OTOGL: variants seen among roughly 807,000 people sequenced by gnomAD.
OTOGL encodes otogelin-like protein.
In OTOGL, 285 loss-of-function variants were observed where a neutral mutation model predicts 318.5. The ratio of observed to expected loss-of-function variants is 0.89; its 90% CI spans 0.81 to 0.99. OTOGL has a LOEUF of 0.99. OTOGL is among the 50% of genes least tolerant of loss of function. OTOGL has a pLI of 0.00. For synonymous variants in OTOGL, 987 were observed against 936.5 expected (o/e 1.05, Z -0.99); for missense variants, 2,899 against 2,845.6 (o/e 1.02, Z -0.43).
chr12:80,204,018 A>G (rs1047208430), intron 1 of OTOGL, among the ~76,000 whole-genome samples: 4 of 152,186 alleles, frequency 2.6e-5, no homozygotes, highest in African/African-American at 9.6e-5. Flanking sequence ...CAAGGGAACT[A>G]GTATATTTTC....
chr12:80,265,269 G>A, intron 20 of OTOGL, 59 bp downstream of exon 20: 1 of 1,445,332 alleles, frequency 6.9e-7, no homozygotes, highest in Non-Finnish European at 9.5e-7. Flanking sequence ...CTCTATGTTT[G>A]TAATGACTGC....
At chr12:80,354,189 T>A (rs1889733866) in intron 46 of OTOGL, among the ~76,000 whole-genome samples, 1 of 152,198 alleles carries the variant, frequency 6.6e-6, no homozygotes, top group Non-Finnish European at 1.5e-5. Flanking sequence ...AGAAATGGAA[T>A]CTTTCCCTAA....
intron 1 of OTOGL, among the ~76,000 whole-genome samples, chr12:80,136,780 G>GT (rs1169558867): frequency 6.6e-6 from 1 of 151,720 alleles, no homozygotes; most frequent in Non-Finnish European, 1.5e-5. Context: ...TTCATTCTCT[G>GT]TTTTTTTCTC....
At chr12:80,166,265 T>A (rs1179305551) in intron 1 of OTOGL, among the ~76,000 whole-genome samples, 1 of 151,964 alleles carries the variant, frequency 6.6e-6, no homozygotes, top group East Asian at 1.9e-4. Flanking sequence ...TTTCTACATA[T>A]TTTATTTTAA....
chr12:80,223,646 T>C (rs111399901), intron 7 of OTOGL, among the ~76,000 whole-genome samples: 3,374 of 152,124 alleles, frequency 0.022, 131 homozygotes, highest in African/African-American at 0.076. Flanking sequence ...AGTGGTATTG[T>C]ATTGTGGTTT....
chr12:80,337,913 G>C (rs1176239719), intron 42 of OTOGL, among the ~76,000 whole-genome samples: 12 of 152,062 alleles, frequency 7.9e-5, no homozygotes, highest in African/African-American at 2.9e-4. Context: ...CGATGAGGTT[G>C]ATATACTTAC....
chr12:80,153,268 A>G (rs1232016001), intron 1 of OTOGL, among the ~76,000 whole-genome samples: 2 of 152,096 alleles, frequency 1.3e-5, no homozygotes, highest in Non-Finnish European at 2.9e-5. Context: ...TCTTTTCATT[A>G]TGTCCTCAGA....
At chr12:80,130,817 A>G (rs1222355951) in intron 1 of OTOGL, among the ~76,000 whole-genome samples, 1 of 152,172 alleles carries the variant, frequency 6.6e-6, no homozygotes, top group African/African-American at 2.4e-5. Flanking sequence ...AACCATTCCC[A>G]CATATCTGCC....
intron 4 of OTOGL, among the ~76,000 whole-genome samples, chr12:80,215,156 G>A (rs112738130): frequency 3.4e-5 from 5 of 145,642 alleles, no homozygotes; most frequent in African/African-American, 1.3e-4. Context: ...CAGGTAGCAT[G>A]TTTACAAGTC....
At chr12:80,261,453 A>T (rs1882518915) in intron 18 of OTOGL, among the ~76,000 whole-genome samples, 1 of 152,148 alleles carries the variant, frequency 6.6e-6, no homozygotes. Flanking sequence ...TTCGGATCTC[A>T]TAATGGAAAT....
chr12:80,362,692 C>T (rs1890306128), intron 52 of OTOGL, among the ~76,000 whole-genome samples: 1 of 151,828 alleles, frequency 6.6e-6, no homozygotes, highest in Admixed American at 6.6e-5. Context: ...TTATAGAGAT[C>T]ATTATGAAGA....
In OTOGL at chr12:80,355,076, G is replaced by T. The variant is rs142137954; in HGVS notation, c.5594-660G>T. Among the ~76,000 whole-genome samples, 681 of 151,958 alleles carry T rather than the reference G, an allele frequency of 4.5e-3. 4 individuals carry two copies. The highest frequency in any genetic ancestry group is 0.016 in the African/African-American group (652 of 41,458). ...AATTTAAATTTATATTATTGAATTT[G>T]ATTAGGCTAAATAAATTATATTAAC... On this transcript the variant is annotated intron_variant, in intron 46 of 58. Transcript: ENST00000547103.
At chr12:80,262,537 T>C (rs1174831221) in intron 19 of OTOGL, among the ~76,000 whole-genome samples, 1 of 152,092 alleles carries the variant, frequency 6.6e-6, no homozygotes, top group Non-Finnish European at 1.5e-5. Context: ...ATATTATGGC[T>C]TTATAAGCAG....
chr12:80,286,995 C>CTGAGTGCTCCAGTATTGGGTGCGT (rs1565955661), intron 26 of OTOGL, among the ~76,000 whole-genome samples: 1 of 151,974 alleles, frequency 6.6e-6, no homozygotes, highest in African/African-American at 2.4e-5. Context: ...AATTGTAGAT[C>CTGAGTGCTCCAGTATTGGGTGCGT]ATTCCCGCCT....
intron 17 of OTOGL, 54 bp downstream of exon 17, chr12:80,256,514 A>AAACC: frequency 5.9e-6 from 9 of 1,516,354 alleles, no homozygotes; most frequent in South Asian, 1.2e-5. Flanking sequence ...ACAAACAAAC[A>AAACC]AACAAACAAC....
intron 35 of OTOGL, among the ~76,000 whole-genome samples, chr12:80,324,763 CA>C (rs1213976170): frequency 6.6e-6 from 1 of 152,120 alleles, no homozygotes; most frequent in African/African-American, 2.4e-5. Flanking sequence ...GTTAAAGAAT[CA>C]AGTTTTGGCC....
chr12:80,103,036 G>C lies in OTOGL; in HGVS notation c.-20+3431G>C, dbSNP rs1238839138. On this transcript the variant is annotated intron_variant, in intron 1 of 58. Transcript: ENST00000547103. ...CTAGTGATAACCACCTTGCTGGAGT[G>C]AATGCCTATGTGGACAGTTGTGCCA... 3 of 1,071,734 alleles carry C rather than the reference G, an allele frequency of 2.8e-6. No homozygotes were observed. In the East Asian group the frequency reaches 7.1e-5, roughly 25 times the overall value. 66.4% of individuals were successfully genotyped at this position (1,071,734 alleles called of 1,614,324 possible). A position where few individuals can be genotyped will look rare whatever the true frequency, so the allele number is the denominator to read the frequency against.
At position 80,131,417 on chromosome 12, in the gene OTOGL, C is replaced by A. The variant is rs368212647; in HGVS notation, c.-20+31812C>A. 8.6e-4 allele frequency among the ~76,000 whole-genome samples: 131 copies of A among 152,256 alleles called. 3 individuals carry two copies. The South Asian group carries it at 0.023, about 27-fold the overall frequency. Reference sequence around the variant, plus strand: ...AGAGGAGAGTCAGAGGCCCTGAGGGCAGGAACTTTATTTTTGTATTCTAAT... The same window carrying A: ...AGAGGAGAGTCAGAGGCCCTGAGGGAAGGAACTTTATTTTTGTATTCTAAT... On this transcript the variant is annotated intron_variant, in intron 1 of 58. Coordinates refer to ENST00000547103, the MANE Select transcript of OTOGL (RefSeq NM_001378609.3).
intron 1 of OTOGL, among the ~76,000 whole-genome samples, chr12:80,107,934 T>C (rs1425314840): frequency 6.6e-6 from 1 of 151,918 alleles, no homozygotes; most frequent in Admixed American, 6.6e-5. Flanking sequence ...TAACAGACAC[T>C]GGGGCCTATT....
Sources: allele counts gnomAD v4.1 joint callset (sites outside exome capture counted in the v4.1 genomes callset), GRCh38; gene constraint gnomAD v4.1.1; transcripts MANE v1.5; gene names NCBI Gene and HGNC (gene_info 2026-07-23, HGNC 2026-07-21).